DAO: variants seen among roughly 807,000 people sequenced by gnomAD.
The protein encoded by DAO is D-amino-acid oxidase.
DAO carries 51 observed loss-of-function variants against 50.1 expected under a neutral mutation model. The ratio of observed to expected loss-of-function variants is 1.02; its 90% CI spans 0.81 to 1.29. The LOEUF is 1.29. Ranked by LOEUF, DAO falls within the 50% of genes most tolerant of loss-of-function variation. The pLI, the probability that DAO is intolerant of heterozygous loss-of-function variation, is 0.00. For missense variants in DAO, 436 were observed against 439.4 expected, an observed-to-expected ratio of 0.99 and a Z score of 0.07; for synonymous variants, 160 against 166.2, an observed-to-expected ratio of 0.96 and a Z score of 0.29.
chr12:108,896,035 A>T (rs998472848), intron 7 of DAO, among the ~76,000 whole-genome samples: 2 of 66,358 alleles, frequency 3.0e-5, no homozygotes, highest in African/African-American at 8.2e-5. Flanking sequence ...CATTTTCTTT[A>T]AAAAAAAAAA....
At chr12:108,881,279 G>A (rs2039374950) in intron 1 of DAO, among the ~76,000 whole-genome samples, 1 of 150,140 alleles carries the variant, frequency 6.7e-6, no homozygotes, top group Admixed American at 6.7e-5. Flanking sequence ...GTAAAACAGA[G>A]GAGAACGGCA....
intron 3 of DAO, among the ~76,000 whole-genome samples, chr12:108,888,108 G>A (rs3918346): frequency 0.34 from 52,070 of 152,046 alleles, 10,127 homozygotes; most frequent in Admixed American, 0.49. Flanking sequence ...CAAGGCCACA[G>A]AGCTCGCCAG....
intron 1 of DAO, among the ~76,000 whole-genome samples, chr12:108,883,485 T>C (rs143844872): frequency 5.3e-4 from 81 of 152,342 alleles, no homozygotes; most frequent in African/African-American, 1.9e-3. Flanking sequence ...CTTTGTTCTA[T>C]GTGATTTTTC....
chr12:108,880,223 C>A lies in DAO; in HGVS notation c.-11C>A. ...GGTCTCTCCAGCAGTTTGGTACTTC[C>A]GGTGAGTGGCAGATGCACCTTTGAG... On this transcript the variant is annotated splice_region_variant and 5_prime_UTR_variant, in exon 1 of 11. Transcript: ENST00000228476. 1 of 434,556 alleles carries A rather than the reference C, an allele frequency of 2.3e-6. No homozygotes were observed. Among genetic ancestry groups the A allele is most frequent in the South Asian group, 1.6e-5 (1 of 61,390 alleles). The allele number at this position is 434,556 out of a possible 1,614,324, so 26.9% of individuals were successfully genotyped here. A position where few individuals can be genotyped will look rare whatever the true frequency, so the allele number is the denominator to read the frequency against.
intron 4 of DAO, 63 bp from the exon 5 acceptor site, chr12:108,890,145 C>T: frequency 1.1e-5 from 15 of 1,396,100 alleles, no homozygotes; most frequent in Non-Finnish European, 1.5e-5. Context: ...CTCCATTTCA[C>T]AGCCTTCAAA....
rs1593158270 is a variant in DAO, at chr12:108,885,211, G to T, written c.194+11G>T. 6.2e-7 allele frequency: 1 copy of T among 1,610,166 alleles called. No individual in the cohort carries two copies. The highest frequency in any genetic ancestry group is 8.5e-7 in the Non-Finnish European group (1 of 1,179,536). ...CAACCCACAGGAGGCGTGAGTGAGG[G>T]TCACATAGGGTAGCCTGGGGTGCCC... On this transcript the variant is annotated intron_variant, in intron 2 of 10. Transcript: ENST00000228476.
At chr12:108,893,081 G>C in intron 6 of DAO, 45 bp downstream of exon 6, 4 of 1,569,022 alleles carry the variant, frequency 2.5e-6, no homozygotes, top group Non-Finnish European at 2.6e-6. Context: ...GGAGAAGAGG[G>C]GAGGCCTCTG....
intron 3 of DAO, among the ~76,000 whole-genome samples, chr12:108,888,208 T>C (rs571319209): frequency 6.6e-6 from 1 of 152,334 alleles, no homozygotes; most frequent in African/African-American, 2.4e-5. Flanking sequence ...GACGGTTTGC[T>C]CAGGCTCCTT....
intron 1 of DAO, among the ~76,000 whole-genome samples, chr12:108,881,162 T>TCTCACACA (rs1555244702): frequency 7.2e-6 from 1 of 139,230 alleles, no homozygotes; most frequent in Admixed American, 7.2e-5. Flanking sequence ...GACATTCTAA[T>TCTCACACA]CACACACACA....
intron 1 of DAO, among the ~76,000 whole-genome samples, chr12:108,884,632 G>A (rs2039414299): frequency 6.6e-6 from 1 of 152,122 alleles, no homozygotes; most frequent in African/African-American, 2.4e-5. Context: ...GCTGAGTCCT[G>A]AAGCCAGAGC....
chr12:108,899,103 T>C (rs765972289), intron 9 of DAO, among the ~76,000 whole-genome samples: 6 of 152,004 alleles, frequency 3.9e-5, no homozygotes, highest in Non-Finnish European at 7.4e-5. Context: ...GTAATAGTGA[T>C]GGTGATAAGG....
intron 2 of DAO, among the ~76,000 whole-genome samples, chr12:108,886,057 T>G (rs1034974129): frequency 6.6e-6 from 1 of 151,970 alleles, no homozygotes; most frequent in African/African-American, 2.4e-5. Context: ...TTGCCAAATT[T>G]TATCTTTTTA....
chr12:108,887,949 C>T (rs1340164166), intron 3 of DAO, among the ~76,000 whole-genome samples: 2 of 152,174 alleles, frequency 1.3e-5, no homozygotes, highest in East Asian at 3.8e-4. Context: ...CAAAAACTGC[C>T]AAAGCATTTA....
intron 6 of DAO, 140 bp downstream of exon 6, chr12:108,893,176 C>G (rs1380679817): frequency 2.7e-6 from 2 of 739,508 alleles, no homozygotes; most frequent in Admixed American, 4.1e-5. Flanking sequence ...CAGAAGCACT[C>G]AGGTATTCTG....
intron 5 of DAO, among the ~76,000 whole-genome samples, chr12:108,891,143 A>G (rs2039486616): frequency 6.6e-6 from 1 of 152,008 alleles, no homozygotes; most frequent in Non-Finnish European, 1.5e-5. Flanking sequence ...TTTTTTATAT[A>G]TTACTGTTTT....
intron 7 of DAO, among the ~76,000 whole-genome samples, chr12:108,895,587 T>G (rs2039543885): frequency 6.7e-6 from 1 of 149,156 alleles, no homozygotes; most frequent in African/African-American, 2.5e-5. Context: ...TGAGAGTGTA[T>G]GTACGTGTGT....
rs568994872 is a variant in DAO, at chr12:108,888,404, C to T, written c.309+840C>T. Reference sequence around the variant, plus strand: ...AGGCTGGAGTGCATTGGCATGATCTCGGCTCACTGCAACCTCTGCTTCCTG... The same window carrying T: ...AGGCTGGAGTGCATTGGCATGATCTTGGCTCACTGCAACCTCTGCTTCCTG... On this transcript the variant is annotated intron_variant, in intron 3 of 10. Transcript: ENST00000228476. Among the ~76,000 whole-genome samples the T allele has an allele frequency of 4.0e-5, 6 of 151,670 alleles. 1 individual carries two copies. Among genetic ancestry groups the T allele is most frequent in the African/African-American group, 9.7e-5 (4 of 41,342 alleles).
chr12:108,899,690 T>G (rs944986892), intron 10 of DAO: 2 of 602,628 alleles, frequency 3.3e-6, no homozygotes, highest in African/African-American at 3.7e-5. Context: ...GCAGTGGTGA[T>G]GTTAATGGAG....
In DAO at chr12:108,896,991, G is replaced by T; in HGVS notation, c.613-15G>T. ...TCACCTCCGCTGATGAGACTTTCCT[G>T]CCCTGAATCAACAGGTGGACGCCCC... On this transcript the variant is annotated splice_polypyrimidine_tract_variant and intron_variant, in intron 7 of 10. Transcript: ENST00000228476. The T allele has an allele frequency of 6.2e-7, 1 of 1,608,014 alleles. No homozygotes were observed.
Sources: allele counts gnomAD v4.1 joint callset (sites outside exome capture counted in the v4.1 genomes callset), GRCh38; gene constraint gnomAD v4.1.1; transcripts MANE v1.5; gene names NCBI Gene and HGNC (gene_info 2026-07-23, HGNC 2026-07-21).